Variants in SAMD5 observed in about 807,000 individuals in gnomAD.
SAMD5 encodes sterile alpha motif domain-containing protein 5.
In SAMD5, 13 loss-of-function variants were observed where a neutral mutation model predicts 11.3. The observed-to-expected ratio is 1.15, with a 90% CI of 0.75 to 1.83. SAMD5 has a LOEUF of 1.83. Among genes scored for constraint, SAMD5 ranks in the 40% most tolerant of loss-of-function variants. The pLI is 0.00. For synonymous variants in SAMD5, 129 were observed against 111.3 expected (o/e 1.16, Z -1.00); for missense variants, 255 against 239.1 (o/e 1.07, Z -0.44).
chr6:147,668,512 G>A (rs1271126522), intron 1 of SAMD5, among the ~76,000 whole-genome samples: 2 of 152,166 alleles, frequency 1.3e-5, no homozygotes, highest in African/African-American at 2.4e-5. Context: ...ACAGCAATAA[G>A]GCAAGTCACA....
chr6:147,707,694 G>T (rs1791342427), intron 1 of SAMD5, among the ~76,000 whole-genome samples: 1 of 152,152 alleles, frequency 6.6e-6, no homozygotes, highest in African/African-American at 2.4e-5. Flanking sequence ...CTCCTAGATT[G>T]CAGGGTCAAG....
At chr6:147,560,502 T>C (rs1004858306) in intron 1 of SAMD5, among the ~76,000 whole-genome samples, 5 of 152,184 alleles carry the variant, frequency 3.3e-5, no homozygotes, top group African/African-American at 1.2e-4. Flanking sequence ...CAACCAAATA[T>C]GGAAAATGTG....
At chr6:147,610,579 G>A (rs540250670) in intron 1 of SAMD5, among the ~76,000 whole-genome samples, 2 of 152,316 alleles carry the variant, frequency 1.3e-5, no homozygotes, top group East Asian at 3.9e-4. Context: ...TGACAAAGTA[G>A]CACCAGAATG....
intron 1 of SAMD5, among the ~76,000 whole-genome samples, chr6:147,596,977 G>A (rs1304716172): frequency 6.6e-6 from 1 of 152,142 alleles, no homozygotes; most frequent in African/African-American, 2.4e-5. Context: ...TGTCATTTGA[G>A]GACTTTTCTC....
At chr6:147,648,297 G>T (rs373964867) in intron 1 of SAMD5, among the ~76,000 whole-genome samples, 22 of 152,156 alleles carry the variant, frequency 1.4e-4, no homozygotes, top group African/African-American at 5.1e-4. Flanking sequence ...ATGAACACAG[G>T]AGGAACTACC....
In SAMD5 at chr6:147,509,102, C is replaced by A; in HGVS notation, c.174C>A (p.Ala58=). The A allele has an allele frequency of 6.3e-7, 1 of 1,587,848 alleles. No individual in the cohort carries two copies. Among genetic ancestry groups the A allele is most frequent in the Non-Finnish European group, 8.6e-7 (1 of 1,168,872 alleles). The change falls in exon 1 of 2, where the codon GCC becomes GCA. Residue 58 remains alanine, a synonymous_variant. Transcript: ENST00000367474. ...CGCACCGCCGCCGTATCCTGGAGGC[C>A]GTGCGCCGGCTGCGGGAGCAGGACG... ...APAHRRRILE[A]VRRLREQDAN...
At chr6:147,941,597 T>A in the SAMD5 span, among the ~76,000 whole-genome samples, 1 of 152,130 alleles carries the variant, frequency 6.6e-6, no homozygotes, top group African/African-American at 2.4e-5. Context: ...AAAATTAACA[T>A]TTATAAACAA....
At chr6:147,940,809 A>C in the SAMD5 span, among the ~76,000 whole-genome samples, 1 of 152,110 alleles carries the variant, frequency 6.6e-6, no homozygotes, top group Non-Finnish European at 1.5e-5. Context: ...TAAAAATACA[A>C]AAATTAGCCG....
chr6:147,637,080 C>T (rs111622425), intron 1 of SAMD5, among the ~76,000 whole-genome samples: 6 of 152,100 alleles, frequency 3.9e-5, no homozygotes, highest in Non-Finnish European at 8.8e-5. Context: ...GCTGGAAGCC[C>T]GTGGAGCTCA....
At chr6:147,691,228 A>C (rs139565608) in intron 1 of SAMD5, among the ~76,000 whole-genome samples, 1 of 152,132 alleles carries the variant, frequency 6.6e-6, no homozygotes, top group African/African-American at 2.4e-5. Context: ...TCCTGACCTC[A>C]AGTGATCCAC....
the SAMD5 span, among the ~76,000 whole-genome samples, chr6:147,858,078 T>C: frequency 3.3e-5 from 5 of 152,238 alleles, no homozygotes; most frequent in Non-Finnish European, 4.4e-5. Flanking sequence ...GTGGTACTTT[T>C]AGCAGAATTT....
At chr6:147,823,436 TA>T in the SAMD5 span, among the ~76,000 whole-genome samples, 26,127 of 151,960 alleles carry the variant, frequency 0.17, 2,418 homozygotes, top group Middle Eastern at 0.27. Context: ...TCCAGTGGCA[TA>T]AAAAAACCCA....
At chr6:147,719,237 G>T (rs745817440) in intron 1 of SAMD5, among the ~76,000 whole-genome samples, 6 of 152,224 alleles carry the variant, frequency 3.9e-5, no homozygotes, top group Non-Finnish European at 5.9e-5. Context: ...ACAGGTACCA[G>T]AATATCTGAG....
intron 1 of SAMD5, among the ~76,000 whole-genome samples, chr6:147,642,410 A>T (rs1457209365): frequency 6.6e-6 from 1 of 152,176 alleles, no homozygotes; most frequent in African/African-American, 2.4e-5. Context: ...GAGTTGTATG[A>T]GATGATCCCA....
the SAMD5 span, among the ~76,000 whole-genome samples, chr6:147,918,759 G>A: frequency 0.13 from 19,518 of 145,938 alleles, 1,552 homozygotes; most frequent in African/African-American, 0.21. Context: ...ATGCAGTGGC[G>A]TGATCTCGGC....
chr6:147,797,711 G>C, the SAMD5 span, among the ~76,000 whole-genome samples: 29 of 139,552 alleles, frequency 2.1e-4, no homozygotes, highest in Non-Finnish European at 3.4e-4. Context: ...ACTCTTTTTG[G>C]TTGGTAAGCT....
At chr6:147,847,174 C>T in the SAMD5 span, among the ~76,000 whole-genome samples, 1 of 152,088 alleles carries the variant, frequency 6.6e-6, no homozygotes, top group East Asian at 1.9e-4. Flanking sequence ...CTCCTTCCTT[C>T]CTCCCTTCCT....
chr6:147,634,972 CATAG>C (rs1248767285), intron 1 of SAMD5, among the ~76,000 whole-genome samples: 1 of 152,114 alleles, frequency 6.6e-6, no homozygotes, highest in Non-Finnish European at 1.5e-5. Context: ...GAAGAAGGCT[CATAG>C]ATAGAGTGGT....
intron 1 of SAMD5, among the ~76,000 whole-genome samples, chr6:147,624,123 GC>G (rs1304208782): frequency 1.3e-5 from 2 of 152,196 alleles, no homozygotes; most frequent in Admixed American, 1.3e-4. Flanking sequence ...ACCCGCCTCA[GC>G]CTCTCAAAGT....
Sources: gnomAD v4.1 joint callset for allele counts (sites outside exome capture counted in the v4.1 genomes callset) on GRCh38, gnomAD v4.1.1 for gene constraint, MANE v1.5 for transcripts, NCBI Gene and HGNC (gene_info 2026-07-23, HGNC 2026-07-21) for gene names.